The following FHL2 variants were observed in gnomAD, a reference collection of about 807,000 sequenced individuals.
The protein encoded by FHL2 is four and a half LIM domains protein 2.
In FHL2, 20 loss-of-function variants were observed where a neutral mutation model predicts 32.7. The observed-to-expected ratio is 0.61, with a 90% CI of 0.43 to 0.89. FHL2 has a LOEUF of 0.89. Among genes scored for constraint, FHL2 ranks in the 40% least tolerant of loss-of-function variants. The pLI, the probability that FHL2 is intolerant of heterozygous loss-of-function variation, is 0.00. For synonymous variants in FHL2, 123 were observed against 128.1 expected (o/e 0.96, Z 0.27); for missense variants, 311 against 358.6 (o/e 0.87, Z 1.07).
At chr2:105,434,039 G>T (rs897684322) in intron 1 of FHL2, among the ~76,000 whole-genome samples, 1 of 151,818 alleles carries the variant, frequency 6.6e-6, no homozygotes, top group Non-Finnish European at 1.5e-5. Flanking sequence ...TCTCCATATT[G>T]TTCACATTCC....
At chr2:105,365,775 G>A (rs1558681720) in intron 5 of FHL2, among the ~76,000 whole-genome samples, 1 of 151,906 alleles carries the variant, frequency 6.6e-6, no homozygotes, top group Non-Finnish European at 1.5e-5. Context: ...AACCCAGAAA[G>A]CAGAGGTTGC....
At chr2:105,401,115 T>C (rs1452035838), upstream of FHL2, among the ~76,000 whole-genome samples, 2 of 147,454 alleles carry the variant, frequency 1.4e-5, no homozygotes, top group Non-Finnish European at 3.0e-5. Flanking sequence ...AAGAATAAAC[T>C]AGTAGAAAAT....
At chr2:105,413,689 G>A (rs1252049405) in intron 1 of FHL2, among the ~76,000 whole-genome samples, 1 of 151,932 alleles carries the variant, frequency 6.6e-6, no homozygotes, top group Non-Finnish European at 1.5e-5. Flanking sequence ...TATGTTGCCC[G>A]GGCTAGTCTT....
At chr2:105,394,053 T>C (rs1056082194) in intron 2 of FHL2, among the ~76,000 whole-genome samples, 1 of 152,070 alleles carries the variant, frequency 6.6e-6, no homozygotes, top group African/African-American at 2.4e-5. Flanking sequence ...ATGCCTATAA[T>C]CAAAGATCCT....
At chr2:105,436,060 G>A (rs1684600041) in intron 1 of FHL2, among the ~76,000 whole-genome samples, 1 of 152,092 alleles carries the variant, frequency 6.6e-6, no homozygotes, top group Admixed American at 6.6e-5. Context: ...CATCTAAAAT[G>A]TATCCATTAA....
In FHL2 at chr2:105,363,255, C is replaced by T. The variant is rs575300538; in HGVS notation, c.688+30G>A. On this transcript the variant is annotated intron_variant, in intron 6 of 6. Coordinates refer to ENST00000530340, the MANE Select transcript of FHL2 (RefSeq NM_001318895.3). ...AGGCCTTGTTCAAGCTTCCAATCGCCCCTGGAAATGGGAACCCCGGGACAC... is the reference window on the plus strand; with the variant it reads ...AGGCCTTGTTCAAGCTTCCAATCGCTCCTGGAAATGGGAACCCCGGGACAC... The T allele has an allele frequency of 5.6e-5, 90 of 1,610,782 alleles. No individual in the cohort carries two copies. The South Asian group carries it at 9.6e-4, about 17-fold the overall frequency.
At chr2:105,419,743 C>T (rs1684043070) in intron 1 of FHL2, among the ~76,000 whole-genome samples, 1 of 152,164 alleles carries the variant, frequency 6.6e-6, no homozygotes, top group African/African-American at 2.4e-5. Flanking sequence ...TTTGGTTCTT[C>T]ACTTCTTTTC....
intron 4 of FHL2, 72 bp downstream of exon 4, chr2:105,373,486 CA>C (rs1349639146): frequency 2.0e-6 from 3 of 1,535,760 alleles, no homozygotes; most frequent in African/African-American, 1.4e-5. Flanking sequence ...TCAATGTGAA[CA>C]GGGGGTCAGA....
Position 105,410,800 on chromosome 2 carries a change from G to A in FHL2, c.-24-24260C>T, listed in dbSNP as rs550037392. The stretch of plus-strand genomic sequence containing the variant: ...AAAAATGCTGCCAGATTTAAGGTGA[G>A]GAGCAATGGCATGAGTAATCCTTTC... On this transcript the variant is annotated intron_variant, in intron 1 of 5. Coordinates refer to the FHL2 transcript ENST00000393352. Among the ~76,000 whole-genome samples, 14 of 152,312 alleles carry A rather than the reference G, an allele frequency of 9.2e-5. No homozygotes were observed. In the East Asian group the frequency reaches 1.5e-3, roughly 17 times the overall value.
upstream of FHL2, chr2:105,399,529 A>T: frequency 6.5e-7 from 1 of 1,536,144 alleles, no homozygotes; most frequent in African/African-American, 1.4e-5. Context: ...TACGAAATGA[A>T]CACCACAGAT....
intron 1 of FHL2, among the ~76,000 whole-genome samples, chr2:105,420,829 G>A (rs557362893): frequency 6.6e-5 from 10 of 152,278 alleles, no homozygotes; most frequent in South Asian, 4.1e-4. Context: ...AGTATCTAAC[G>A]CCTCCACTGA....
chr2:105,378,432 C>T lies in FHL2; in HGVS notation c.157-4699G>A, dbSNP rs187522773. 2.0e-5 allele frequency: 6 copies of T among 298,558 alleles called. No individual in the cohort carries two copies. In the East Asian group the frequency reaches 4.7e-4, roughly 24 times the overall value. The allele number at this position is 298,558 out of a possible 1,614,324, so 18.5% of individuals were successfully genotyped here. A position where few individuals can be genotyped will look rare whatever the true frequency, so the allele number is the denominator to read the frequency against. On this transcript the variant is annotated intron_variant, in intron 3 of 6. Coordinates refer to ENST00000530340, the MANE Select transcript of FHL2 (RefSeq NM_001318895.3). Reference sequence around the variant, plus strand: ...AGGACAACCTGGTCTGCTATATCCCCTGGGAACCATTTCGCCTTGGCTCCT... The same window carrying T: ...AGGACAACCTGGTCTGCTATATCCCTTGGGAACCATTTCGCCTTGGCTCCT...
chr2:105,432,172 C>A (rs116075252), intron 1 of FHL2, among the ~76,000 whole-genome samples: 192 of 152,282 alleles, frequency 1.3e-3, no homozygotes, highest in African/African-American at 4.4e-3. Flanking sequence ...GTGCTTATTT[C>A]TCCCCTCACT....
chr2:105,398,576 C>T, intron 1 of FHL2, among the ~76,000 whole-genome samples: 1 of 152,212 alleles, frequency 6.6e-6, no homozygotes, highest in East Asian at 1.9e-4. Context: ...TGGCGGTGCC[C>T]CACCTGGTGA....
intron 3 of FHL2, among the ~76,000 whole-genome samples, chr2:105,380,208 C>T (rs1573324883): frequency 1.3e-5 from 2 of 152,262 alleles, no homozygotes; most frequent in East Asian, 3.9e-4. Flanking sequence ...ATTTTAGCCA[C>T]ACGATTCCCT....
At chr2:105,362,623 T>G (rs1558678177) in intron 6 of FHL2, among the ~76,000 whole-genome samples, 1 of 152,166 alleles carries the variant, frequency 6.6e-6, no homozygotes, top group South Asian at 2.1e-4. Flanking sequence ...GAACACACAC[T>G]TTTCTCTCCC....
intron 1 of FHL2, among the ~76,000 whole-genome samples, chr2:105,423,487 C>T (rs76550141): frequency 5.1e-4 from 77 of 152,270 alleles, no homozygotes; most frequent in African/African-American, 1.8e-3. Flanking sequence ...ATTTGATAGA[C>T]AACAGTTGCT....
At chr2:105,392,812 C>CTTT (rs34774107) in intron 2 of FHL2, among the ~76,000 whole-genome samples, 59 of 66,012 alleles carry the variant, frequency 8.9e-4, no homozygotes, top group Non-Finnish European at 9.2e-4. Context: ...TGCCAGGAAG[C>CTTT]TTTTTTTTTT....
chr2:105,377,192 A>G (rs1165702513), intron 3 of FHL2, among the ~76,000 whole-genome samples: 2 of 152,234 alleles, frequency 1.3e-5, no homozygotes. Context: ...TGATGGGGGT[A>G]GTATTTCAGA....
Sources: gnomAD v4.1 joint callset for allele counts (sites outside exome capture counted in the v4.1 genomes callset) on GRCh38, gnomAD v4.1.1 for gene constraint, MANE v1.5 for transcripts, NCBI Gene and HGNC (gene_info 2026-07-23, HGNC 2026-07-21) for gene names.